LRBA: variants seen among roughly 807,000 people sequenced by gnomAD.
LRBA encodes the protein LPS responsive beige-like anchor protein, also known as lipopolysaccharide-responsive and beige-like anchor protein.
A neutral mutation model predicts 330.0 loss-of-function variants in LRBA; 176 were observed. The ratio of observed to expected loss-of-function variants is 0.53; its 90% CI spans 0.47 to 0.60. The LOEUF is 0.60. Among genes scored for constraint, LRBA ranks in the 20% least tolerant of loss-of-function variants. The probability of loss-of-function intolerance (pLI) is 0.00; values close to 1 mark genes in which losing one functional copy is unlikely to be tolerated. For missense variants in LRBA, 3,259 were observed against 3,444.8 expected, an observed-to-expected ratio of 0.95 and a Z score of 1.35; for synonymous variants, 1,230 against 1,193.0, an observed-to-expected ratio of 1.03 and a Z score of -0.64.
At chr4:150,423,840 C>A (rs1259712757) in intron 46 of LRBA, among the ~76,000 whole-genome samples, 1 of 152,026 alleles carries the variant, frequency 6.6e-6, no homozygotes, top group South Asian at 2.1e-4. Context: ...ATGAGTCCCC[C>A]CCACCGCCCG....
rs567575826 is a variant in LRBA, at chr4:150,971,628, TAC to T, written c.217-42565_217-42564del. Reference sequence around the variant, plus strand: ...TAAAGTCAAAGAACAATGCTTTCAGTACAGAGTACTTAGATAACAAAATATCA... The same window carrying T: ...TAAAGTCAAAGAACAATGCTTTCAGTAGAGTACTTAGATAACAAAATATCA... On this transcript the variant is annotated intron_variant, in intron 2 of 56. Coordinates refer to ENST00000651943, the MANE Select transcript of LRBA (RefSeq NM_001364905.1). Among the ~76,000 whole-genome samples, 26 of 152,314 alleles carry T rather than the reference TAC, an allele frequency of 1.7e-4. No homozygotes were observed. In the South Asian group the frequency reaches 5.4e-3, roughly 32 times the overall value.
chr4:150,982,659 T>C (rs1740983681), intron 2 of LRBA, among the ~76,000 whole-genome samples: 1 of 150,774 alleles, frequency 6.6e-6, no homozygotes, highest in African/African-American at 2.4e-5. Context: ...GTAATTTGCA[T>C]TTTTTACCAC....
intron 37 of LRBA, among the ~76,000 whole-genome samples, chr4:150,657,817 A>C (rs184682477): frequency 6.6e-6 from 1 of 152,322 alleles, no homozygotes; most frequent in Non-Finnish European, 1.5e-5. Flanking sequence ...ATACATTTTT[A>C]ACAGTATTAA....
At chr4:150,658,930 GC>G (rs1278832865) in intron 37 of LRBA, among the ~76,000 whole-genome samples, 610 of 44,664 alleles carry the variant, frequency 0.014, 27 homozygotes, top group African/African-American at 0.023. Flanking sequence ...TGTTGGCCGG[GC>G]CGGTCTCCAG....
At position 150,918,066 on chromosome 4, in the gene LRBA, C is replaced by A. The variant is rs187887962; in HGVS notation, c.646-1328G>T. 1.6e-4 allele frequency among the ~76,000 whole-genome samples: 24 copies of A among 152,258 alleles called. 1 individual carries two copies. Among genetic ancestry groups the A allele is most frequent in the Admixed American group, 1.5e-3 (23 of 15,290 alleles). On this transcript the variant is annotated intron_variant, in intron 5 of 56. Coordinates refer to ENST00000651943, the MANE Select transcript of LRBA (RefSeq NM_001364905.1). ...GTGTCCTTTGGTTAGGCAAATCCTTCTTATTATGTCACCAAAAGGACAAGT... is the reference window on the plus strand; with the variant it reads ...GTGTCCTTTGGTTAGGCAAATCCTTATTATTATGTCACCAAAAGGACAAGT...
At chr4:150,864,701 T>C (rs967968312) in intron 22 of LRBA, among the ~76,000 whole-genome samples, 3 of 145,420 alleles carry the variant, frequency 2.1e-5, no homozygotes, top group African/African-American at 7.8e-5. Flanking sequence ...GGCTGGAGTA[T>C]AGTGGTATGA....
chr4:150,458,246 T>C (rs1581377245), intron 44 of LRBA, among the ~76,000 whole-genome samples: 1 of 151,900 alleles, frequency 6.6e-6, no homozygotes, highest in Admixed American at 6.6e-5. Context: ...CTAATTCTGT[T>C]TTAAAAGCAA....
rs779723113 is a variant in LRBA at position 150,850,715 on chromosome 4, T to C, written c.4004+9A>G. On this transcript the variant is annotated intron_variant, in intron 24 of 56. Transcript: ENST00000651943. ...ATACACATCTTCCATAATAAACATA[T>C]AGACAAACCTTCTCCACATCTGTAT... The C allele has an allele frequency of 1.3e-6, 2 of 1,580,944 alleles. No individual in the cohort carries two copies. Among genetic ancestry groups the C allele is most frequent in the African/African-American group, 1.4e-5 (1 of 73,950 alleles).
intron 28 of LRBA, chr4:150,840,639 T>C (rs1386594212): frequency 6.4e-6 from 1 of 156,736 alleles, no homozygotes; most frequent in Non-Finnish European, 1.4e-5. Flanking sequence ...AGATCACTGA[T>C]GACAGATCAG....
At chr4:150,495,013 G>C (rs1043109854) in intron 40 of LRBA, among the ~76,000 whole-genome samples, 1 of 149,972 alleles carries the variant, frequency 6.7e-6, no homozygotes, top group Non-Finnish European at 1.5e-5. Flanking sequence ...AAAAAAAAAA[G>C]GAAATGAGGT....
chr4:150,820,982 C>A (rs769858143), intron 30 of LRBA, among the ~76,000 whole-genome samples: 5 of 152,004 alleles, frequency 3.3e-5, no homozygotes, highest in Non-Finnish European at 7.4e-5. Flanking sequence ...TTGGAAAACA[C>A]AGAGGAAAAT....
At chr4:150,341,556 C>T (rs911435977) in intron 48 of LRBA, among the ~76,000 whole-genome samples, 5 of 152,092 alleles carry the variant, frequency 3.3e-5, no homozygotes, top group African/African-American at 1.2e-4. Flanking sequence ...ATGCCATACT[C>T]TCCGCTTTGA....
chr4:150,492,562 TTCTC>T lies in LRBA; in HGVS notation c.6331-1531_6331-1528del, dbSNP rs1236616332. On this transcript the variant is annotated intron_variant, in intron 40 of 56. Coordinates refer to ENST00000651943, the MANE Select transcript of LRBA (RefSeq NM_001364905.1). ...CAAGGTCTTCAGAGGCATCTATTTG[TTCTC>T]TCTTTTATTCTTACCTCTGAAGTCT... Among the ~76,000 whole-genome samples the T allele has an allele frequency of 4.6e-5, 7 of 152,220 alleles. No homozygotes were observed. In the East Asian group the frequency reaches 1.2e-3, roughly 25 times the overall value.
At position 150,921,642 on chromosome 4, in the gene LRBA, G is replaced by A. The variant is rs535631164; in HGVS notation, c.550-349C>T. 4.6e-5 allele frequency among the ~76,000 whole-genome samples: 7 copies of A among 151,926 alleles called. No individual in the cohort carries two copies. The South Asian group carries it at 6.2e-4, about 14-fold the overall frequency. On this transcript the variant is annotated intron_variant, in intron 4 of 56. Coordinates refer to ENST00000651943, the MANE Select transcript of LRBA (RefSeq NM_001364905.1). ...AGTCCATGTGCAGTGGCGCCATCTC[G>A]GCTCACCATAAACTCTGCCTCCCAG...
At chr4:150,677,435 T>C (rs961942749) in intron 37 of LRBA, among the ~76,000 whole-genome samples, 1 of 152,224 alleles carries the variant, frequency 6.6e-6, no homozygotes, top group African/African-American at 2.4e-5. Context: ...CTTGAATTTA[T>C]TTTTCAATTT....
At chr4:150,622,213 G>A (rs916317297) in intron 37 of LRBA, among the ~76,000 whole-genome samples, 1 of 152,166 alleles carries the variant, frequency 6.6e-6, no homozygotes, top group African/African-American at 2.4e-5. Context: ...GATGTACTGA[G>A]CACATGAAAA....
chr4:150,298,701 A>G (rs1296971039), intron 53 of LRBA, among the ~76,000 whole-genome samples: 2 of 152,088 alleles, frequency 1.3e-5, no homozygotes, highest in Non-Finnish European at 2.9e-5. Context: ...GTAGACGCCA[A>G]TCCCATAAAG....
intron 56 of LRBA, among the ~76,000 whole-genome samples, chr4:150,266,323 C>A (rs1391720182): frequency 6.6e-6 from 1 of 152,194 alleles, no homozygotes; most frequent in South Asian, 2.1e-4. Context: ...TTAAGCTGGT[C>A]TCCCCTCTGT....
chr4:150,946,917 C>CA (rs34474606), intron 2 of LRBA, among the ~76,000 whole-genome samples: 8,735 of 117,556 alleles, frequency 0.074, 316 homozygotes, highest in Middle Eastern at 0.16. Flanking sequence ...TTAGAGGCAG[C>CA]AAAAAAAAAA....
Sources: gnomAD v4.1 joint callset for allele counts (sites outside exome capture counted in the v4.1 genomes callset) on GRCh38, gnomAD v4.1.1 for gene constraint, MANE v1.5 for transcripts, NCBI Gene and HGNC (gene_info 2026-07-23, HGNC 2026-07-21) for gene names.